The following KCNIP4 variants were observed in gnomAD, a reference collection of about 807,000 sequenced individuals.
KCNIP4 encodes potassium voltage-gated channel interacting protein 4.
KCNIP4 carries 12 observed loss-of-function variants against 34.0 expected under a neutral mutation model. The observed-to-expected ratio is 0.35, with a 90% CI of 0.23 to 0.57. The LOEUF is 0.57. KCNIP4 is among the 20% of genes least tolerant of loss of function. The probability of loss-of-function intolerance (pLI) is 0.83; values close to 1 mark genes in which losing one functional copy is unlikely to be tolerated. For missense variants in KCNIP4, 238 were observed against 311.7 expected, an observed-to-expected ratio of 0.76 and a Z score of 1.78; for synonymous variants, 124 against 102.2, an observed-to-expected ratio of 1.21 and a Z score of -1.29.
At chr4:20,812,854 A>G (rs913130970) in intron 3 of KCNIP4, among the ~76,000 whole-genome samples, 1 of 152,136 alleles carries the variant, frequency 6.6e-6, no homozygotes, top group African/African-American at 2.4e-5. Flanking sequence ...GGGGAGGAGA[A>G]GAAATCTGAG....
At chr4:21,862,956 G>A (rs1465124610) in intron 1 of KCNIP4, among the ~76,000 whole-genome samples, 7 of 80,124 alleles carry the variant, frequency 8.7e-5, no homozygotes, top group Admixed American at 1.8e-4. Context: ...GTGAGACTCC[G>A]TCTCAAAAAA....
At chr4:21,890,794 G>C (rs946349071) in intron 1 of KCNIP4, among the ~76,000 whole-genome samples, 2 of 152,058 alleles carry the variant, frequency 1.3e-5, no homozygotes, top group Non-Finnish European at 2.9e-5. Flanking sequence ...ATTTATGTCA[G>C]CCAGACCCCG....
chr4:21,400,567 TC>T (rs1249009563), intron 1 of KCNIP4, among the ~76,000 whole-genome samples: 3,315 of 76,142 alleles, frequency 0.044, 113 homozygotes, highest in Middle Eastern at 0.064. Context: ...TCTCTTCTCT[TC>T]TCTTCTCTTC....
intron 1 of KCNIP4, among the ~76,000 whole-genome samples, chr4:21,739,331 A>T (rs1447807148): frequency 6.6e-6 from 1 of 152,090 alleles, no homozygotes; most frequent in Non-Finnish European, 1.5e-5. Flanking sequence ...TTTTAATAAG[A>T]ATAAAGTATA....
intron 1 of KCNIP4, among the ~76,000 whole-genome samples, chr4:21,643,116 T>A (rs73254392): frequency 0.01 from 1,554 of 152,318 alleles, 9 homozygotes; most frequent in Middle Eastern, 0.017. Flanking sequence ...GTGTCATGTG[T>A]ATTTTTCTTT....
intron 1 of KCNIP4, chr4:21,316,324 G>T (rs1420907096): frequency 6.6e-6 from 1 of 152,088 alleles, no homozygotes; most frequent in East Asian, 1.9e-4. Context: ...ATCAGTAAAT[G>T]TTGCAGTAAA....
At chr4:21,667,259 T>C (rs753586659) in intron 1 of KCNIP4, among the ~76,000 whole-genome samples, 6 of 152,234 alleles carry the variant, frequency 3.9e-5, no homozygotes, top group Non-Finnish European at 8.8e-5. Context: ...CAATTCTCCT[T>C]TTCCCATTTG....
chr4:21,554,625 C>T (rs963459566), intron 1 of KCNIP4, among the ~76,000 whole-genome samples: 1 of 152,068 alleles, frequency 6.6e-6, no homozygotes, highest in Non-Finnish European at 1.5e-5. Flanking sequence ...AGAAACAATT[C>T]CTTCTGCCTG....
At chr4:21,538,665 C>T (rs1050558634) in intron 1 of KCNIP4, among the ~76,000 whole-genome samples, 7 of 152,040 alleles carry the variant, frequency 4.6e-5, no homozygotes, top group Admixed American at 1.3e-4. Context: ...TAAAATGGCA[C>T]GAAGTAGAAA....
chr4:21,149,626 G>A (rs947356038), intron 1 of KCNIP4, among the ~76,000 whole-genome samples: 5 of 152,110 alleles, frequency 3.3e-5, no homozygotes, highest in African/African-American at 9.7e-5. Context: ...GAATGTTGAG[G>A]TGAAAAAATT....
chr4:21,260,609 A>G (rs1002924432), intron 1 of KCNIP4, among the ~76,000 whole-genome samples: 3 of 152,180 alleles, frequency 2.0e-5, no homozygotes, highest in African/African-American at 7.2e-5. Context: ...CCTGGCTTTA[A>G]GACTAGTCAC....
At chr4:21,654,232 C>G in intron 1 of KCNIP4, among the ~76,000 whole-genome samples, 1 of 152,184 alleles carries the variant, frequency 6.6e-6, no homozygotes, top group East Asian at 1.9e-4. Context: ...CACACTTCCC[C>G]AAACCACACA....
chr4:21,640,717 T>C (rs1746553789), intron 1 of KCNIP4, among the ~76,000 whole-genome samples: 1 of 152,154 alleles, frequency 6.6e-6, no homozygotes, highest in Non-Finnish European at 1.5e-5. Flanking sequence ...TTTCTTATTC[T>C]GGTTTGCTAC....
intron 1 of KCNIP4, among the ~76,000 whole-genome samples, chr4:21,764,480 A>T (rs1183960795): frequency 6.6e-6 from 1 of 152,104 alleles, no homozygotes; most frequent in East Asian, 1.9e-4. Context: ...TTTCAATGAA[A>T]TATTTATATA....
At chr4:21,948,424 C>A in intron 1 of KCNIP4, 147 bp downstream of exon 1, 1 of 830,594 alleles carries the variant, frequency 1.2e-6, no homozygotes, top group Non-Finnish European at 1.9e-6. Context: ...GCTCCCACCT[C>A]CCCTTCCCAG....
intron 1 of KCNIP4, among the ~76,000 whole-genome samples, chr4:21,798,401 A>C (rs1476290903): frequency 3.1e-5 from 1 of 32,658 alleles, no homozygotes; most frequent in Non-Finnish European, 5.3e-5. Flanking sequence ...ACACAAAAAA[A>C]TACATATATA....
At chr4:21,782,654 T>C (rs1824369) in intron 1 of KCNIP4, among the ~76,000 whole-genome samples, 89,193 of 151,952 alleles carry the variant, frequency 0.59, 28,456 homozygotes, top group Non-Finnish European at 0.73. Context: ...GCTGTGTTAG[T>C]GCCACTGCAC....
At chr4:21,819,148 T>C (rs1722173802) in intron 1 of KCNIP4, among the ~76,000 whole-genome samples, 1 of 152,248 alleles carries the variant, frequency 6.6e-6, no homozygotes, top group Non-Finnish European at 1.5e-5. Context: ...GCACTGATAT[T>C]AGGTGAGGTT....
chr4:20,958,126 A>G (rs926500083), intron 1 of KCNIP4, among the ~76,000 whole-genome samples: 1 of 152,218 alleles, frequency 6.6e-6, no homozygotes, highest in Admixed American at 6.5e-5. Context: ...ACCTTCCTCA[A>G]TAAGCATTCA....
Sources: allele counts gnomAD v4.1 joint callset (sites outside exome capture counted in the v4.1 genomes callset), GRCh38; gene constraint gnomAD v4.1.1; transcripts MANE v1.5; gene names NCBI Gene and HGNC (gene_info 2026-07-23, HGNC 2026-07-21).